ZDHHC11: variants seen among roughly 807,000 people sequenced by gnomAD.
The protein encoded by ZDHHC11 is palmitoyltransferase ZDHHC11.
Under a neutral mutation model 51.3 loss-of-function variants are expected in ZDHHC11, and 44 were observed. The ratio of observed to expected loss-of-function variants is 0.86; its 90% CI spans 0.67 to 1.10. The LOEUF (loss-of-function observed/expected upper bound fraction) is 1.10, where lower values mean the gene tolerates loss of function less well. Among genes scored for constraint, ZDHHC11 ranks in the 50% least tolerant of loss-of-function variants. The pLI, the probability that ZDHHC11 is intolerant of heterozygous loss-of-function variation, is 0.00. For missense variants in ZDHHC11, 400 were observed against 537.7 expected (o/e 0.74, Z 2.53); for synonymous variants, 163 against 222.0 (o/e 0.73, Z 2.36).
At chr5:852,410 G>A (rs1461141151), upstream of ZDHHC11, among the ~76,000 whole-genome samples, 1 of 152,254 alleles carries the variant, frequency 6.6e-6, no homozygotes, top group Non-Finnish European at 1.5e-5. Context: ...ACTTCAGGTC[G>A]AAACTGTGCA....
rs141646013 is a variant in ZDHHC11 at position 821,383 on chromosome 5, C to T, written c.1058+478G>A. Reference sequence around the variant, plus strand: ...GCACTGAAACAAGGAGATGGCGGCTCAGCCAAGCCATTTAGGATGGAAACT... The same window carrying T: ...GCACTGAAACAAGGAGATGGCGGCTTAGCCAAGCCATTTAGGATGGAAACT... On this transcript the variant is annotated intron_variant, in intron 9 of 12. Transcript: ENST00000283441. The T allele has an allele frequency of 1.3e-3, 197 of 153,434 alleles. 8 individuals are homozygous for T. Among genetic ancestry groups the T allele is most frequent in the Non-Finnish European group, 2.4e-3 (162 of 68,626 alleles). 9.5% of individuals were successfully genotyped at this position (153,434 alleles called of 1,614,324 possible).
At chr5:799,231 T>C (rs1453223550) in intron 12 of ZDHHC11, among the ~76,000 whole-genome samples, 2 of 151,464 alleles carry the variant, frequency 1.3e-5, no homozygotes, top group African/African-American at 2.4e-5. Flanking sequence ...TGAGACCTTG[T>C]TGTCGAAAAG....
intron 11 of ZDHHC11, among the ~76,000 whole-genome samples, chr5:807,920 G>A (rs1409793176): frequency 1.4e-5 from 2 of 142,738 alleles, no homozygotes; most frequent in South Asian, 2.2e-4. Flanking sequence ...GCCTCTGGGG[G>A]ATATCAGAGC....
chr5:800,916 A>G (rs59514869), intron 12 of ZDHHC11, among the ~76,000 whole-genome samples, 184 bp downstream of exon 12: 2,444 of 150,970 alleles, frequency 0.016, 9 homozygotes, highest in African/African-American at 0.052. Context: ...CTCGGCTGCC[A>G]TGCACTACTT....
At chr5:840,774 C>T (rs1744720126) in intron 4 of ZDHHC11, 124 bp from the exon 5 acceptor site, 6 of 1,550,398 alleles carry the variant, frequency 3.9e-6, no homozygotes, top group Non-Finnish European at 5.2e-6. Context: ...CGAGGGATGT[C>T]TCCCTGCCCA....
At chr5:844,547 G>T (rs1366281418) in intron 3 of ZDHHC11, among the ~76,000 whole-genome samples, 2 of 152,300 alleles carry the variant, frequency 1.3e-5, no homozygotes, top group African/African-American at 4.8e-5. Flanking sequence ...CACTCGGGGG[G>T]CCCTGAGCAT....
chr5:850,163 G>T, intron 1 of ZDHHC11: 1 of 583,646 alleles, frequency 1.7e-6, no homozygotes, highest in Non-Finnish European at 3.0e-6. Context: ...CCTCTCCGGA[G>T]CCCCCTCAGC....
chr5:834,928 GCTTT>G (rs1743624195), intron 6 of ZDHHC11, among the ~76,000 whole-genome samples: 1 of 151,984 alleles, frequency 6.6e-6, no homozygotes, highest in South Asian at 2.1e-4. Flanking sequence ...CTTTATTGTG[GCTTT>G]CTAAAACCAA....
upstream of ZDHHC11, among the ~76,000 whole-genome samples, chr5:851,338 G>A (rs1057134472): frequency 5.3e-5 from 8 of 151,834 alleles, no homozygotes; most frequent in African/African-American, 1.9e-4. Flanking sequence ...GTCAGGTGGG[G>A]AGGGCGGCAG....
intron 1 of ZDHHC11, among the ~76,000 whole-genome samples, chr5:849,211 G>A (rs549107864): frequency 2.6e-5 from 4 of 152,266 alleles, no homozygotes; most frequent in South Asian, 2.1e-4. Flanking sequence ...CGGGAAGGCT[G>A]CCCCCGTGCC....
At chr5:839,567 T>A (rs1344497999) in intron 5 of ZDHHC11, 1 of 149,912 alleles carries the variant, frequency 6.7e-6, no homozygotes, top group Non-Finnish European at 1.5e-5. Context: ...TTTTAAAACA[T>A]CCCCAGGGTT....
chr5:802,164 T>C (rs555931158), intron 11 of ZDHHC11, among the ~76,000 whole-genome samples: 3 of 151,324 alleles, frequency 2.0e-5, no homozygotes, highest in African/African-American at 7.3e-5. Flanking sequence ...ACTTGTAGGC[T>C]GAGCGGCCAG....
chr5:855,766 G>GGACAGCGAGCGAA (rs1748142064), upstream of ZDHHC11, among the ~76,000 whole-genome samples: 2 of 137,484 alleles, frequency 1.5e-5, no homozygotes, highest in Admixed American at 8.6e-5. Context: ...CAGCGAGCGA[G>GGACAGCGAGCGAA]GGTTACAGAC....
At chr5:807,420 C>A (rs1739428789) in intron 11 of ZDHHC11, among the ~76,000 whole-genome samples, 1 of 151,328 alleles carries the variant, frequency 6.6e-6, no homozygotes, top group African/African-American at 2.4e-5. Flanking sequence ...CCCGTCTCAA[C>A]AGACAAAGAT....
intron 11 of ZDHHC11, among the ~76,000 whole-genome samples, chr5:809,144 C>T (rs1256774380): frequency 3.4e-5 from 5 of 145,466 alleles, no homozygotes; most frequent in African/African-American, 1.3e-4. Flanking sequence ...GAACCCAGCA[C>T]CTGGAAGCGA....
chr5:846,493 G>C (rs553070752), intron 3 of ZDHHC11, among the ~76,000 whole-genome samples: 1 of 150,690 alleles, frequency 6.6e-6, no homozygotes, highest in African/African-American at 2.5e-5. Flanking sequence ...ACCGTGCTCA[G>C]GGGAAACAAC....
At chr5:841,424 C>G in intron 4 of ZDHHC11, 1 of 978,404 alleles carries the variant, frequency 1.0e-6, no homozygotes. Flanking sequence ...GTCACAGTGC[C>G]CACCCCTTCC....
chr5:831,551 C>G (rs1254466492), intron 7 of ZDHHC11, among the ~76,000 whole-genome samples: 2 of 147,444 alleles, frequency 1.4e-5, no homozygotes, highest in Admixed American at 1.4e-4. Flanking sequence ...CCCCTGCACT[C>G]CAGCCTGGGT....
chr5:846,092 T>C (rs1300791334), intron 3 of ZDHHC11, among the ~76,000 whole-genome samples: 2 of 150,388 alleles, frequency 1.3e-5, no homozygotes, highest in Non-Finnish European at 3.0e-5. Context: ...GTGGAGCTGC[T>C]CTTCTCCAGG....
Sources: gnomAD v4.1 joint callset for allele counts (sites outside exome capture counted in the v4.1 genomes callset) on GRCh38, gnomAD v4.1.1 for gene constraint, MANE v1.5 for transcripts, NCBI Gene and HGNC (gene_info 2026-07-23, HGNC 2026-07-21) for gene names.